GLMN: variants seen among roughly 807,000 people sequenced by gnomAD.
GLMN encodes glomulin, FKBP associated protein, also known as glomulin.
GLMN carries 75 observed loss-of-function variants against 87.8 expected under a neutral mutation model. The observed-to-expected ratio is 0.85, with a 90% confidence interval of 0.71 to 1.04. The LOEUF (loss-of-function observed/expected upper bound fraction) is 1.04. Ranked by LOEUF, GLMN falls within the 50% of genes least tolerant of loss-of-function variation. GLMN has a pLI of 0.00. For missense variants in GLMN, 588 were observed against 658.8 expected (o/e 0.89, Z 1.18); for synonymous variants, 206 against 221.6 (o/e 0.93, Z 0.63).
At position 92,291,594 on chromosome 1, in the gene GLMN, G is replaced by GTGC. The variant is rs1261499307; in HGVS notation, c.166-60_166-58dup. The stretch of plus-strand genomic sequence containing the variant: ...CTGCCATCTATAGGACTCTCGCAGT[G>GTGC]TGCTTTCCTATCTTGGAAGAGCTCA... On this transcript the variant is annotated intron_variant, in intron 3 of 18. Coordinates refer to ENST00000370360, the MANE Select transcript of GLMN (RefSeq NM_053274.3). 3 of 1,563,944 alleles carry GTGC rather than the reference G, an allele frequency of 1.9e-6. No homozygotes were observed. In the African/African-American group the frequency reaches 4.1e-5, roughly 21 times the overall value.
intron 6 of GLMN, among the ~76,000 whole-genome samples, chr1:92,287,740 C>A (rs147767130): frequency 6.6e-6 from 1 of 151,548 alleles, no homozygotes; most frequent in South Asian, 2.1e-4. Context: ...TTTTTAGAGA[C>A]GAGGTCTTGC....
At chr1:92,328,233 A>G in the GLMN span, among the ~76,000 whole-genome samples, 1 of 152,184 alleles carries the variant, frequency 6.6e-6, no homozygotes, top group East Asian at 1.9e-4. Context: ...TTCCTTGATT[A>G]TTCCCTCAAA....
At chr1:92,287,358 T>C (rs1648893226) in intron 6 of GLMN, among the ~76,000 whole-genome samples, 1 of 152,196 alleles carries the variant, frequency 6.6e-6, no homozygotes, top group Admixed American at 6.5e-5. Context: ...AAAAACTTTT[T>C]TTTTGAGACA....
the GLMN span, among the ~76,000 whole-genome samples, chr1:92,326,452 T>G: frequency 6.6e-6 from 1 of 152,094 alleles, no homozygotes; most frequent in Non-Finnish European, 1.5e-5. Context: ...TGCCAGAAGG[T>G]GGCACTTTCA....
chr1:92,367,075 T>G, the GLMN span, among the ~76,000 whole-genome samples: 3 of 152,220 alleles, frequency 2.0e-5, no homozygotes, highest in East Asian at 5.8e-4. Context: ...AAGATACCTT[T>G]GTGATAAAGG....
the GLMN span, chr1:92,345,696 A>C: frequency 3.5e-6 from 2 of 568,632 alleles, no homozygotes; most frequent in Non-Finnish European, 6.2e-6. Flanking sequence ...CCACATTATT[A>C]TACTATTGAC....
At chr1:92,329,742 CAACTT>C in the GLMN span, among the ~76,000 whole-genome samples, 1 of 152,056 alleles carries the variant, frequency 6.6e-6, no homozygotes, top group Non-Finnish European at 1.5e-5. Context: ...ATAATAAACT[CAACTT>C]GATTGAGCTA....
At chr1:92,297,559 A>G in intron 2 of GLMN, 30 bp from the exon 3 acceptor site, 1 of 1,555,360 alleles carries the variant, frequency 6.4e-7, no homozygotes, top group Non-Finnish European at 8.8e-7. Context: ...CCCAAAAAAC[A>G]AACAAAAAAA....
At chr1:92,248,017 T>C in intron 16 of GLMN, 28 bp from the exon 17 acceptor site, 2 of 896,768 alleles carry the variant, frequency 2.2e-6, no homozygotes, top group Non-Finnish European at 1.9e-6. Flanking sequence ...ATGAGTTATT[T>C]AGTTCAACAA....
intron 2 of GLMN, 65 bp downstream of exon 2, chr1:92,297,896 T>C: frequency 1.2e-6 from 1 of 857,586 alleles, no homozygotes; most frequent in Non-Finnish European, 2.0e-6. Context: ...CAAATATAAT[T>C]AAAAACAATC....
At chr1:92,363,894 C>T in the GLMN span, 1 of 163,208 alleles carries the variant, frequency 6.1e-6, no homozygotes, top group Non-Finnish European at 1.3e-5. Flanking sequence ...AAGCATATAA[C>T]ATAAAATATG....
chr1:92,258,467 A>T (rs1464328401), intron 16 of GLMN, among the ~76,000 whole-genome samples: 1 of 152,214 alleles, frequency 6.6e-6, no homozygotes, highest in Non-Finnish European at 1.5e-5. Context: ...TGTTTACTGC[A>T]GCACTATTCA....
At chr1:92,259,724 T>C (rs939630002) in intron 16 of GLMN, among the ~76,000 whole-genome samples, 1 of 139,634 alleles carries the variant, frequency 7.2e-6, no homozygotes, top group African/African-American at 2.8e-5. Context: ...TTTTTCTTTT[T>C]TTTCTTTCTT....
chr1:92,273,231 T>C (rs942062259), intron 7 of GLMN, among the ~76,000 whole-genome samples: 2 of 152,166 alleles, frequency 1.3e-5, no homozygotes, highest in Admixed American at 6.5e-5. Flanking sequence ...AAAGGAACCA[T>C]GGAAAATCAT....
Position 92,262,858 on chromosome 1 carries a change from CT to C in GLMN, c.1473+4del. ...TCACAGTTTCTTTTCAAATACTTCA[CT>C]TACTTGATTGTCATTTTCATTATCT... On this transcript the variant is annotated splice_donor_region_variant and intron_variant, in intron 16 of 18. Transcript: ENST00000370360. 9.2e-7 allele frequency: 1 copy of C among 1,083,282 alleles called. No homozygotes were observed. The highest frequency in any genetic ancestry group is 1.4e-6 in the Non-Finnish European group (1 of 701,258). 67.1% of individuals were successfully genotyped at this position (1,083,282 alleles called of 1,614,324 possible).
chr1:92,309,033 C>T, the GLMN span, among the ~76,000 whole-genome samples: 4 of 152,098 alleles, frequency 2.6e-5, no homozygotes, highest in African/African-American at 7.2e-5. Context: ...TCACCATCCT[C>T]TATTCAGAAT....
At chr1:92,312,335 A>G in the GLMN span, among the ~76,000 whole-genome samples, 1 of 151,946 alleles carries the variant, frequency 6.6e-6, no homozygotes, top group Non-Finnish European at 1.5e-5. Flanking sequence ...CTAGAAGATC[A>G]CTTGAGCATA....
Position 92,258,230 on chromosome 1 carries a change from G to A in GLMN, c.1473+4633C>T, listed in dbSNP as rs1450001842. ...ACCATCTCATGCCAGTTAGAATGGC[G>A]ATCATTAAAAAGTCAGGAAACAACA... On this transcript the variant is annotated intron_variant, in intron 16 of 18. Transcript: ENST00000370360. 3.9e-4 allele frequency among the ~76,000 whole-genome samples: 57 copies of A among 145,092 alleles called. 1 individual carries two copies. Among genetic ancestry groups the A allele is most frequent in the Non-Finnish European group, 5.3e-4 (35 of 66,326 alleles).
At chr1:92,337,745 T>C in the GLMN span, among the ~76,000 whole-genome samples, 1 of 152,136 alleles carries the variant, frequency 6.6e-6, no homozygotes, top group Non-Finnish European at 1.5e-5. Context: ...ATATATAATT[T>C]AGGAATTTTT....
Sources: allele counts gnomAD v4.1 joint callset (sites outside exome capture counted in the v4.1 genomes callset), GRCh38; gene constraint gnomAD v4.1.1; transcripts MANE v1.5; gene names NCBI Gene and HGNC (gene_info 2026-07-23, HGNC 2026-07-21).